Variants in XIRP2 observed in about 807,000 individuals in gnomAD.
The protein encoded by XIRP2 is xin actin binding repeat containing 2, also known as xin actin-binding repeat-containing protein 2.
A neutral mutation model predicts 277.0 loss-of-function variants in XIRP2; 236 were observed. The observed-to-expected ratio is 0.85, with a 90% CI of 0.77 to 0.95. The LOEUF (loss-of-function observed/expected upper bound fraction) is 0.95. XIRP2 is among the 40% of genes least tolerant of loss of function. XIRP2 has a pLI of 0.00. For missense variants in XIRP2, 4,640 were observed against 4,157.5 expected (o/e 1.12, Z -3.19); for synonymous variants, 1,490 against 1,416.5 (o/e 1.05, Z -1.17).
intron 4 of XIRP2, among the ~76,000 whole-genome samples, chr2:167,214,134 G>GAAGGAAGGAAGC (rs376588444): frequency 1.5e-4 from 17 of 112,092 alleles, no homozygotes; most frequent in South Asian, 3.3e-4. Flanking sequence ...AGGAAGGAAG[G>GAAGGAAGGAAGC]AAGCAAAGAG....
At position 167,218,155 on chromosome 2, in the gene XIRP2, A is replaced by T; in HGVS notation, c.724-11A>T. The T allele has an allele frequency of 6.5e-7, 1 of 1,540,520 alleles. No homozygotes were observed. Among genetic ancestry groups the T allele is most frequent in the Non-Finnish European group, 8.7e-7 (1 of 1,143,482 alleles). Reference sequence around the variant, plus strand: ...TAAAGCTGAATTTTCCTTTTTCTTAAATCATCCTAGATGATGGAAGAATCA... The same window carrying T: ...TAAAGCTGAATTTTCCTTTTTCTTATATCATCCTAGATGATGGAAGAATCA... On this transcript the variant is annotated splice_polypyrimidine_tract_variant and intron_variant, in intron 4 of 10. Coordinates refer to ENST00000409195, the MANE Select transcript of XIRP2 (RefSeq NM_152381.6).
chr2:167,049,032 C>T (rs1355630986), intron 2 of XIRP2, among the ~76,000 whole-genome samples: 1 of 151,870 alleles, frequency 6.6e-6, no homozygotes, highest in Non-Finnish European at 1.5e-5. Context: ...GCTTCTCTCC[C>T]TACCTAAGGG....
intron 2 of XIRP2, among the ~76,000 whole-genome samples, chr2:166,914,576 G>A (rs780398355): frequency 2.0e-5 from 3 of 152,054 alleles, no homozygotes; most frequent in Non-Finnish European, 4.4e-5. Context: ...TCCTGACCTC[G>A]AGTGATCCAC....
chr2:167,037,753 A>G (rs1475687963), intron 2 of XIRP2, among the ~76,000 whole-genome samples: 1 of 152,038 alleles, frequency 6.6e-6, no homozygotes, highest in Non-Finnish European at 1.5e-5. Flanking sequence ...AAAACATAAT[A>G]AATAATCAGA....
chr2:167,158,855 T>A (rs1375455493), intron 3 of XIRP2, among the ~76,000 whole-genome samples: 2 of 152,136 alleles, frequency 1.3e-5, no homozygotes, highest in African/African-American at 2.4e-5. Context: ...ATATTTAAAA[T>A]AATTATTAAC....
intron 2 of XIRP2, among the ~76,000 whole-genome samples, chr2:167,082,523 T>G (rs1251546263): frequency 7.2e-5 from 11 of 152,166 alleles, no homozygotes; most frequent in African/African-American, 1.4e-4. Context: ...ATCGCCACAC[T>G]GACTTCCACA....
chr2:167,103,057 T>G (rs1690527500), intron 2 of XIRP2, among the ~76,000 whole-genome samples: 1 of 152,102 alleles, frequency 6.6e-6, no homozygotes, highest in African/African-American at 2.4e-5. Flanking sequence ...GAGGATCACT[T>G]GAGCCTGGGA....
At chr2:167,168,418 T>G (rs772412493) in intron 3 of XIRP2, among the ~76,000 whole-genome samples, 4 of 152,110 alleles carry the variant, frequency 2.6e-5, no homozygotes, top group Non-Finnish European at 4.4e-5. Flanking sequence ...TCTGTCCTGG[T>G]TTTTTGTTTG....
intron 3 of XIRP2, among the ~76,000 whole-genome samples, chr2:167,155,940 T>C (rs1692182931): frequency 6.7e-6 from 1 of 150,096 alleles, no homozygotes; most frequent in Non-Finnish European, 1.5e-5. Flanking sequence ...ACAAGCATTC[T>C]TATACACCAA....
chr2:167,228,753 T>C (rs1466453552), intron 5 of XIRP2, among the ~76,000 whole-genome samples: 1 of 152,150 alleles, frequency 6.6e-6, no homozygotes, highest in Non-Finnish European at 1.5e-5. Context: ...CTTTTCTTTC[T>C]ACGATTCATT....
chr2:167,059,450 A>AAAAATAAAAT (rs56983000), intron 2 of XIRP2, among the ~76,000 whole-genome samples: 4,227 of 140,324 alleles, frequency 0.03, 133 homozygotes, highest in South Asian at 0.061. Flanking sequence ...ACATGTGGAA[A>AAAAATAAAAT]AAAATAAAAT....
intron 2 of XIRP2, among the ~76,000 whole-genome samples, chr2:167,031,467 G>C (rs1251738302): frequency 2.0e-5 from 3 of 151,950 alleles, no homozygotes; most frequent in Non-Finnish European, 4.4e-5. Flanking sequence ...TAGTTTCGCT[G>C]GATATGAAAT....
chr2:166,965,863 G>C (rs1320820368), intron 2 of XIRP2, among the ~76,000 whole-genome samples: 1 of 151,612 alleles, frequency 6.6e-6, no homozygotes, highest in Non-Finnish European at 1.5e-5. Flanking sequence ...TGGGATTATA[G>C]ATGTGAGACA....
At chr2:166,901,047 C>T (rs1006573581) in intron 1 of XIRP2, among the ~76,000 whole-genome samples, 6 of 152,098 alleles carry the variant, frequency 3.9e-5, no homozygotes, top group Admixed American at 2.0e-4. Context: ...TCAGCCTTTG[C>T]TGATGGGAGT....
At chr2:167,098,679 T>G (rs1690396855) in intron 2 of XIRP2, among the ~76,000 whole-genome samples, 1 of 152,224 alleles carries the variant, frequency 6.6e-6, no homozygotes, top group African/African-American at 2.4e-5. Flanking sequence ...CTTCATGGAT[T>G]TATGTACCTT....
At chr2:167,088,250 A>T (rs764465737) in intron 2 of XIRP2, among the ~76,000 whole-genome samples, 1 of 152,040 alleles carries the variant, frequency 6.6e-6, no homozygotes, top group Non-Finnish European at 1.5e-5. Context: ...TAAAGCAGGA[A>T]GTTTGTCAGT....
At chr2:167,148,052 A>C (rs886279406) in intron 3 of XIRP2, among the ~76,000 whole-genome samples, 1 of 152,100 alleles carries the variant, frequency 6.6e-6, no homozygotes, top group Non-Finnish European at 1.5e-5. Flanking sequence ...TTAAACTACT[A>C]GACAAAAAAT....
intron 2 of XIRP2, among the ~76,000 whole-genome samples, chr2:167,008,123 A>G (rs1429558199): frequency 2.0e-5 from 3 of 151,572 alleles, no homozygotes; most frequent in Non-Finnish European, 4.4e-5. Flanking sequence ...ATCTCATTTC[A>G]CTATAGGACA....
intron 2 of XIRP2, among the ~76,000 whole-genome samples, chr2:166,998,463 C>G (rs551497053): frequency 6.6e-6 from 1 of 152,076 alleles, no homozygotes; most frequent in Admixed American, 6.6e-5. Context: ...CAGCAAAACC[C>G]TGTCTCTACT....
Sources: gnomAD v4.1 joint callset for allele counts (sites outside exome capture counted in the v4.1 genomes callset) on GRCh38, gnomAD v4.1.1 for gene constraint, MANE v1.5 for transcripts, NCBI Gene and HGNC (gene_info 2026-07-23, HGNC 2026-07-21) for gene names.